EPS8L3: variants seen among roughly 807,000 people sequenced by gnomAD.
The protein encoded by EPS8L3 is epidermal growth factor receptor kinase substrate 8-like protein 3.
A neutral mutation model predicts 88.5 loss-of-function variants in EPS8L3; 80 were observed. The ratio of observed to expected loss-of-function variants is 0.90; its 90% CI spans 0.75 to 1.09. The LOEUF (loss-of-function observed/expected upper bound fraction) is 1.09, where lower values mean the gene tolerates loss of function less well. Among genes scored for constraint, EPS8L3 ranks in the 50% least tolerant of loss-of-function variants. The probability of loss-of-function intolerance (pLI) is 0.00; values close to 1 mark genes in which losing one functional copy is unlikely to be tolerated. For synonymous variants in EPS8L3, 286 were observed against 291.0 expected, an observed-to-expected ratio of 0.98 and a Z score of 0.18; for missense variants, 721 against 735.2, an observed-to-expected ratio of 0.98 and a Z score of 0.22.
At position 109,752,307 on chromosome 1, in the gene EPS8L3, G is replaced by A. The variant is rs1649875109; in HGVS notation, c.1236-114C>T. On this transcript the variant is annotated intron_variant, in intron 14 of 18. Coordinates refer to ENST00000361965, the MANE Select transcript of EPS8L3 (RefSeq NM_133181.4). ...GCCTGCAGTCTGATGGTGACTTTTG[G>A]GTTTCTTTAGAGTTTGCTGGCAGGT... 2.7e-6 allele frequency: 3 copies of A among 1,099,884 alleles called. No homozygotes were observed. The Admixed American group carries it at 7.1e-5, about 26-fold the overall frequency. The allele number at this position is 1,099,884 out of a possible 1,614,324, so 68.1% of individuals were successfully genotyped here. A position where few individuals can be genotyped will look rare whatever the true frequency, so the allele number is the denominator to read the frequency against.
In EPS8L3 at chr1:109,759,144, A is replaced by AGTGTGTGTGTGT. The variant is rs3220009; in HGVS notation, c.406-39_406-28dup. On this transcript the variant is annotated intron_variant, in intron 5 of 18. Coordinates refer to ENST00000361965, the MANE Select transcript of EPS8L3 (RefSeq NM_133181.4). The surrounding 1 kb of genome is among the most constrained non-coding windows in gnomAD (Gnocchi z 4.2). ...TGGGAAGCAGCAGTCAGGCAGGCTAAGTGTGTGTGTGTGTGTGTGTGTGTG... is the reference window on the plus strand; with the variant it reads ...TGGGAAGCAGCAGTCAGGCAGGCTAAGTGTGTGTGTGTGTGTGTGTGTGTGTGTGTGTGTGTG... 1.3e-6 allele frequency: 2 copies of AGTGTGTGTGTGT among 1,492,534 alleles called. No homozygotes were observed. The highest frequency in any genetic ancestry group is 1.4e-5 in the African/African-American group (1 of 71,670). The allele number at this position is 1,492,534 out of a possible 1,614,324, so 92.5% of individuals were successfully genotyped here. A position where few individuals can be genotyped will look rare whatever the true frequency, so the allele number is the denominator to read the frequency against.
rs142986870 is a variant in EPS8L3, at chr1:109,753,183, G to A, written c.1134C>T (p.Gly378=). The A allele has an allele frequency of 2.8e-4, 445 of 1,611,496 alleles. 4 individuals carry two copies. Among genetic ancestry groups the A allele is most frequent in the Admixed American group, 1.3e-4 (8 of 59,674 alleles). Residue 378 remains glycine, a synonymous_variant, in exon 13 of 19, where the codon GGC becomes GGT. Coordinates refer to ENST00000361965, the MANE Select transcript of EPS8L3 (RefSeq NM_133181.4). ...TGGGTTGGTAGGGCAGGGGCTCATC[G>A]CCTGTCCAGTCGGCCCTGAAGAGGG... ...AWTTSRADWT[G]DEPLPYQPTF...
intron 14 of EPS8L3, 27 bp downstream of exon 14, chr1:109,752,659 G>A (rs374260856): frequency 1.0e-4 from 155 of 1,547,736 alleles, no homozygotes; most frequent in Non-Finnish European, 1.2e-4. Flanking sequence ...CCAGGACCAC[G>A]CAGTCCCTAT....
rs546087905 is a variant in EPS8L3 at position 109,758,141 on chromosome 1, C to T, written c.718-83G>A. On this transcript the variant is annotated intron_variant, in intron 8 of 18. Coordinates refer to ENST00000361965, the MANE Select transcript of EPS8L3 (RefSeq NM_133181.4). ...CCACACTGCCCCCCGCACCCCTCCCCACCACAAGCCCCAGCCTCAGGCCCA... is the reference window on the plus strand; with the variant it reads ...CCACACTGCCCCCCGCACCCCTCCCTACCACAAGCCCCAGCCTCAGGCCCA... 1.3e-5 allele frequency: 18 copies of T among 1,368,700 alleles called. No individual in the cohort carries two copies. In the Admixed American group the frequency reaches 3.1e-4, roughly 24 times the overall value. The allele number at this position is 1,368,700 out of a possible 1,614,324, so 84.8% of individuals were successfully genotyped here.
Position 109,761,508 on chromosome 1 carries a change from T to C in EPS8L3, c.83A>G (p.Gln28Arg). The C allele has an allele frequency of 6.2e-7, 1 of 1,613,026 alleles. No homozygotes were observed. Among genetic ancestry groups the C allele is most frequent in the South Asian group, 1.1e-5 (1 of 90,996 alleles). ...AGAGGTACTCACCTCCACCCTGTGC[T>C]GCAGGAGGGTGGGCTCTGAGGTGAG... The part of the protein sequence containing the change: ...QNLTSEPTLL[Q>R]HRVEHLMTCK... Residue 28 changes from glutamine to arginine, a missense_variant, in exon 3 of 19, where the codon CAG (glutamine) becomes CGG (arginine). Gln to Arg is a conservative substitution (Grantham distance 43). Coordinates refer to ENST00000361965, the MANE Select transcript of EPS8L3 (RefSeq NM_133181.4).
chr1:109,751,434 G>A (rs1473963416), intron 16 of EPS8L3, 83 bp from the exon 17 acceptor site: 2 of 1,456,612 alleles, frequency 1.4e-6, no homozygotes, highest in Non-Finnish European at 1.9e-6. Context: ...CCCTTCTCCA[G>A]GTTCCCATCA....
chr1:109,757,381 C>G (rs904550621), intron 11 of EPS8L3, 100 bp downstream of exon 11: 3 of 1,248,888 alleles, frequency 2.4e-6, no homozygotes, highest in African/African-American at 1.5e-5. Flanking sequence ...TCCACCCTGG[C>G]CCCTGCTCCC....
At chr1:109,755,251 A>T (rs909535828) in intron 12 of EPS8L3, among the ~76,000 whole-genome samples, 7 of 152,204 alleles carry the variant, frequency 4.6e-5, no homozygotes, top group African/African-American at 1.4e-4. Context: ...GTAATGGGGA[A>T]TTATTGTTTA....
At chr1:109,753,430 C>T (rs1239946618) in intron 12 of EPS8L3, among the ~76,000 whole-genome samples, 2 of 152,150 alleles carry the variant, frequency 1.3e-5, no homozygotes, top group Non-Finnish European at 2.9e-5. Flanking sequence ...TCACCTCTGC[C>T]CATGAGGTAA....
rs377414029 is a variant in EPS8L3 at position 109,751,604 on chromosome 1, G to A, written c.1563+50C>T. On this transcript the variant is annotated intron_variant, in intron 16 of 18. Coordinates refer to ENST00000361965, the MANE Select transcript of EPS8L3 (RefSeq NM_133181.4). Reference sequence around the variant, plus strand: ...CTTGCCACTGAATCCTCCCCACCCCGACCTCCAACTCAAGACTTAGGGCTC... The same window carrying A: ...CTTGCCACTGAATCCTCCCCACCCCAACCTCCAACTCAAGACTTAGGGCTC... The A allele has an allele frequency of 4.2e-5, 67 of 1,611,416 alleles. 1 individual carries two copies. In the East Asian group the frequency reaches 4.5e-4, roughly 11 times the overall value.
intron 1 of EPS8L3, among the ~76,000 whole-genome samples, chr1:109,763,282 C>T (rs1651192917): frequency 6.6e-6 from 1 of 151,846 alleles, no homozygotes; most frequent in South Asian, 2.1e-4. Context: ...CCTTCCCCAG[C>T]CTCCCCCAAC....
In EPS8L3 at chr1:109,751,412, T is replaced by C. The variant is rs577129372; in HGVS notation, c.1564-61A>G. 3.0e-5 allele frequency: 46 copies of C among 1,536,850 alleles called. No individual in the cohort carries two copies. The African/African-American group carries it at 5.8e-4, about 20-fold the overall frequency. ...TCATCTCACAGCCAACCACAGCCCC[T>C]AACATCTGGGTCCCTTCTCCAGGTT... On this transcript the variant is annotated intron_variant, in intron 16 of 18. Transcript: ENST00000361965.
chr1:109,761,377 G>T, intron 3 of EPS8L3, 118 bp downstream of exon 3: 1 of 843,174 alleles, frequency 1.2e-6, no homozygotes, highest in Non-Finnish European at 1.9e-6. Flanking sequence ...GGTTGGGACA[G>T]GCTGTTGGCT....
At chr1:109,755,589 G>T (rs1391565084) in intron 12 of EPS8L3, among the ~76,000 whole-genome samples, 1 of 152,142 alleles carries the variant, frequency 6.6e-6, no homozygotes, top group Non-Finnish European at 1.5e-5. Flanking sequence ...CGGATCCCTT[G>T]AGCTCAGGAG....
In EPS8L3 at chr1:109,750,581, G is replaced by C. The variant is rs1057219237; in HGVS notation, c.1770+79C>G. The C allele has an allele frequency of 6.9e-6, 11 of 1,604,516 alleles. No individual in the cohort carries two copies. The Admixed American group carries it at 1.3e-4, about 20-fold the overall frequency. On this transcript the variant is annotated intron_variant, in intron 18 of 18. Transcript: ENST00000361965. Reference sequence around the variant, plus strand: ...TTCTGCCCCAGGGCTGGGCCTGCAGGCTTTTCCAACTGGCCCTCTCTCTCA... The same window carrying C: ...TTCTGCCCCAGGGCTGGGCCTGCAGCCTTTTCCAACTGGCCCTCTCTCTCA...
rs771951193 is a variant in EPS8L3 at position 109,761,692 on chromosome 1, C to T, written c.31+27G>A. The stretch of plus-strand genomic sequence containing the variant: ...ATTCTGGGGGCTCAGTGGGAGGGCA[C>T]GGGAGAGGGGCCTGCCAGGAGCTTA... On this transcript the variant is annotated intron_variant, in intron 2 of 18. Transcript: ENST00000361965. 3.3e-5 allele frequency: 54 copies of T among 1,613,182 alleles called. 1 individual carries two copies. Among genetic ancestry groups the T allele is most frequent in the South Asian group, 1.6e-4 (15 of 91,054 alleles).
Position 109,759,283 on chromosome 1 carries a change from G to A in EPS8L3, c.360C>T (p.Gly120=). 6.2e-7 allele frequency: 1 copy of A among 1,614,126 alleles called. No individual in the cohort carries two copies. The highest frequency in any genetic ancestry group is 8.5e-7 in the Non-Finnish European group (1 of 1,180,002). The change falls in exon 5 of 19, where the codon GGC becomes GGT. Residue 120 remains glycine (G), a synonymous_variant. Transcript: ENST00000361965. This position sits in a 1 kb window ranked among gnomAD's most constrained non-coding sequence, Gnocchi z 4.2. ...AGAGCAGAGTGCTAGTGCCTGGCAG[G>A]CCCGGCTCCTGCACGGTGATGGACA... The part of the protein sequence containing the change: ...SILSITVQEP[G]LPGTSTLLFQ...
rs752289400 is a variant in EPS8L3, at chr1:109,759,011, C to T, written c.461+51G>A. 1.5e-5 allele frequency: 24 copies of T among 1,550,814 alleles called. 1 individual carries two copies. The South Asian group carries it at 2.8e-4, about 18-fold the overall frequency. On this transcript the variant is annotated intron_variant, in intron 6 of 18. Coordinates refer to ENST00000361965, the MANE Select transcript of EPS8L3 (RefSeq NM_133181.4). This position sits in a 1 kb window ranked among gnomAD's most constrained non-coding sequence, Gnocchi z 4.2. ...AAGATATGGGGTCAGGGTCTGGCCC[C>T]CGAGGCTGAGCTGGGAGGCCCCATA... is the stretch of plus-strand genomic sequence containing the variant.
In EPS8L3 at chr1:109,759,182, T is replaced by C. The variant is rs1570698827; in HGVS notation, c.405+56A>G. 2 of 1,381,366 alleles carry C rather than the reference T, an allele frequency of 1.4e-6. No individual in the cohort carries two copies. Among genetic ancestry groups the C allele is most frequent in the Non-Finnish European group, 2.0e-6 (2 of 990,812 alleles). The allele number at this position is 1,381,366 out of a possible 1,614,324, so 85.6% of individuals were successfully genotyped here. On this transcript the variant is annotated intron_variant, in intron 5 of 18. Transcript: ENST00000361965. This position sits in a 1 kb window ranked among gnomAD's most constrained non-coding sequence, Gnocchi z 4.2. ...GTGTGTGTGTGTGTGTGTGTGTGTG[T>C]GGTGGGGTGATGGTCGATGAACCCC...
Sources: gnomAD v4.1 joint callset for allele counts (sites outside exome capture counted in the v4.1 genomes callset) on GRCh38, gnomAD v4.1.1 for gene constraint, Gnocchi (gnomAD v3.1) non-coding constraint, MANE v1.5 for transcripts, NCBI Gene and HGNC (gene_info 2026-07-23, HGNC 2026-07-21) for gene names.